TAFA2: variants seen among roughly 807,000 people sequenced by gnomAD.
TAFA2 encodes the protein chemokine-like protein TAFA-2.
In TAFA2, 7 loss-of-function variants were observed where a neutral mutation model predicts 18.8. That is an observed-to-expected ratio of 0.37 (90% CI 0.21 to 0.70). The LOEUF is 0.70. Among genes scored for constraint, TAFA2 ranks in the 30% least tolerant of loss-of-function variants. The probability of loss-of-function intolerance (pLI) is 0.53; values close to 1 mark genes in which losing one functional copy is unlikely to be tolerated. For synonymous variants in TAFA2, 60 were observed against 54.2 expected, an observed-to-expected ratio of 1.11 and a Z score of -0.47; for missense variants, 122 against 158.1, an observed-to-expected ratio of 0.77 and a Z score of 1.23.
At chr12:61,762,579 A>C (rs1280323555) in intron 2 of TAFA2, among the ~76,000 whole-genome samples, 1 of 151,462 alleles carries the variant, frequency 6.6e-6, no homozygotes, top group African/African-American at 2.4e-5. Context: ...AGCTGCAAAG[A>C]AGTGGCTGTT....
chr12:62,171,796 T>A (rs1385775393), intron 1 of TAFA2, among the ~76,000 whole-genome samples: 1 of 152,170 alleles, frequency 6.6e-6, no homozygotes, highest in African/African-American at 2.4e-5. Flanking sequence ...CAATAATAAA[T>A]CATCTAGAAA....
At chr12:62,099,535 T>C (rs531328371) in intron 1 of TAFA2, among the ~76,000 whole-genome samples, 1 of 152,308 alleles carries the variant, frequency 6.6e-6, no homozygotes, top group African/African-American at 2.4e-5. Context: ...TCAAAGTTTA[T>C]AATTACTGAG....
chr12:61,733,227 G>A (rs1037334375), intron 4 of TAFA2, among the ~76,000 whole-genome samples: 2 of 152,006 alleles, frequency 1.3e-5, no homozygotes, highest in Non-Finnish European at 2.9e-5. Context: ...TAGGTTACCT[G>A]TTCACTCTGA....
chr12:62,195,978 T>G (rs1298154717), upstream of TAFA2, among the ~76,000 whole-genome samples: 1 of 152,240 alleles, frequency 6.6e-6, no homozygotes, highest in Non-Finnish European at 1.5e-5. Flanking sequence ...GAAAATCTGT[T>G]GTTTAGTGTA....
chr12:61,793,577 T>C lies in TAFA2; in HGVS notation c.107-38553A>G, dbSNP rs531001534. On this transcript the variant is annotated intron_variant, in intron 2 of 4. Coordinates refer to ENST00000416284, the MANE Select transcript of TAFA2 (RefSeq NM_178539.5). ...TTGGATAACTCAAATAGCTCATATC[T>C]ATCAAATAAATTGAATTTTTAGTTA... Among the ~76,000 whole-genome samples, 4 of 151,882 alleles carry C rather than the reference T, an allele frequency of 2.6e-5. No individual in the cohort carries two copies. The East Asian group carries it at 7.8e-4, about 29-fold the overall frequency.
intron 2 of TAFA2, among the ~76,000 whole-genome samples, chr12:61,764,136 C>T (rs1242777830): frequency 6.6e-6 from 1 of 151,882 alleles, no homozygotes; most frequent in Non-Finnish European, 1.5e-5. Flanking sequence ...CTACATTTAC[C>T]TCATACTGAA....
intron 4 of TAFA2, among the ~76,000 whole-genome samples, chr12:61,732,482 T>G (rs1322462299): frequency 6.6e-6 from 1 of 152,088 alleles, no homozygotes; most frequent in Admixed American, 6.6e-5. Flanking sequence ...GCAATGAAGT[T>G]TCCGGTAACA....
chr12:62,258,745 A>G, intron 1 of TAFA2: 1 of 372,302 alleles, frequency 2.7e-6, no homozygotes, highest in Non-Finnish European at 5.4e-6. Context: ...TAAAGGTTGA[A>G]GTGAGGTTTG....
At chr12:61,871,367 G>A (rs1197082627) in intron 1 of TAFA2, among the ~76,000 whole-genome samples, 1 of 152,146 alleles carries the variant, frequency 6.6e-6, no homozygotes, top group Non-Finnish European at 1.5e-5. Flanking sequence ...TTCTCTATTT[G>A]CTAACCACCA....
chr12:62,184,604 C>T (rs1448326353), intron 1 of TAFA2, among the ~76,000 whole-genome samples: 1 of 149,874 alleles, frequency 6.7e-6, no homozygotes, highest in East Asian at 2.0e-4. Flanking sequence ...AGTGATCCTC[C>T]CCCCTCTCAG....
At chr12:61,761,021 T>G (rs1219122427) in intron 2 of TAFA2, among the ~76,000 whole-genome samples, 2 of 152,116 alleles carry the variant, frequency 1.3e-5, no homozygotes, top group East Asian at 3.9e-4. Context: ...CTTACCCAGC[T>G]CTAATTTCTG....
At chr12:61,920,746 T>A (rs1877016432) in intron 1 of TAFA2, among the ~76,000 whole-genome samples, 1 of 151,242 alleles carries the variant, frequency 6.6e-6, no homozygotes, top group South Asian at 2.1e-4. Context: ...AGGAGGGTAA[T>A]GGAAAAAAAA....
At chr12:61,762,606 A>G (rs1252522074) in intron 2 of TAFA2, among the ~76,000 whole-genome samples, 1 of 149,876 alleles carries the variant, frequency 6.7e-6, no homozygotes, top group Admixed American at 6.8e-5. Context: ...AGTTATCTAC[A>G]TTCTATAGAA....
chr12:62,237,374 T>A (rs759947696), intron 1 of TAFA2, among the ~76,000 whole-genome samples: 1 of 152,236 alleles, frequency 6.6e-6, no homozygotes, highest in Admixed American at 6.5e-5. Context: ...GTTCCAGATT[T>A]CTGTTTGACT....
At position 62,009,617 on chromosome 12, in the gene TAFA2, A is replaced by G. The variant is rs188931739; in HGVS notation, c.-1-142191T>C. The stretch of plus-strand genomic sequence containing the variant: ...GATATAAAAAATATATAATTATGTG[A>G]AAGTCTAATATTATTTCAAGTGACT... On this transcript the variant is annotated intron_variant, in intron 1 of 4. Coordinates refer to ENST00000416284, the MANE Select transcript of TAFA2 (RefSeq NM_178539.5). Among the ~76,000 whole-genome samples, 64 of 152,352 alleles carry G rather than the reference A, an allele frequency of 4.2e-4. 1 individual carries two copies. The highest frequency in any genetic ancestry group is 3.4e-3 in the Middle Eastern group (1 of 294).
At chr12:62,130,240 T>G (rs1870626887) in intron 1 of TAFA2, among the ~76,000 whole-genome samples, 1 of 151,984 alleles carries the variant, frequency 6.6e-6, no homozygotes, top group Admixed American at 6.6e-5. Context: ...AGCATTTTCC[T>G]TTACTCTCCG....
intron 1 of TAFA2, among the ~76,000 whole-genome samples, chr12:62,111,807 C>A (rs1441678987): frequency 6.6e-6 from 1 of 152,038 alleles, no homozygotes; most frequent in Admixed American, 6.6e-5. Context: ...AGGATTGCAA[C>A]CCCTACTTTT....
intron 1 of TAFA2, among the ~76,000 whole-genome samples, chr12:62,080,011 C>G (rs1868295459): frequency 6.6e-6 from 1 of 152,168 alleles, no homozygotes; most frequent in African/African-American, 2.4e-5. Context: ...AGGGGTCAGC[C>G]AGGCTGCATT....
At position 61,822,174 on chromosome 12, in the gene TAFA2, A is replaced by G. The variant is rs542980729; in HGVS notation, c.106+45146T>C. 6.6e-5 allele frequency among the ~76,000 whole-genome samples: 10 copies of G among 152,238 alleles called. No individual in the cohort carries two copies. The East Asian group carries it at 1.9e-3, about 29-fold the overall frequency. On this transcript the variant is annotated intron_variant, in intron 2 of 4. Coordinates refer to ENST00000416284, the MANE Select transcript of TAFA2 (RefSeq NM_178539.5). ...TGTACTAATTCAATCTGTGGCTACT[A>G]TAGGTTAAAAAATACTCATTTTTCT...
Sources: gnomAD v4.1 joint callset for allele counts (sites outside exome capture counted in the v4.1 genomes callset) on GRCh38, gnomAD v4.1.1 for gene constraint, MANE v1.5 for transcripts, NCBI Gene and HGNC (gene_info 2026-07-23, HGNC 2026-07-21) for gene names.